Variants in ANLN observed in about 807,000 individuals in gnomAD.
ANLN encodes anillin.
Under a neutral mutation model 135.1 loss-of-function variants are expected in ANLN, and 59 were observed. The ratio of observed to expected loss-of-function variants is 0.44; its 90% CI spans 0.35 to 0.54. ANLN has a LOEUF of 0.54. ANLN is among the 20% of genes least tolerant of loss of function. The pLI is 0.00. For missense variants in ANLN, 1,182 were observed against 1,340.0 expected, an observed-to-expected ratio of 0.88 and a Z score of 1.84; for synonymous variants, 406 against 456.4, an observed-to-expected ratio of 0.89 and a Z score of 1.41.
At chr7:36,438,421 G>C (rs553079063) in intron 20 of ANLN, among the ~76,000 whole-genome samples, 53 of 152,306 alleles carry the variant, frequency 3.5e-4, no homozygotes, top group African/African-American at 1.2e-3. Flanking sequence ...GCCCAGGCCA[G>C]AGTGCAGTGG....
chr7:36,415,754 G>T lies in ANLN; in HGVS notation c.1396-4G>T. On this transcript the variant is annotated splice_polypyrimidine_tract_variant and splice_region_variant and intron_variant, in intron 7 of 23. Transcript: ENST00000265748. ...AAAATTTACTTTTCATTCGCTTTTT[G>T]CAGGAAACTCACTGTCAGAGCACTC... 3 of 1,571,472 alleles carry T rather than the reference G, an allele frequency of 1.9e-6. No individual in the cohort carries two copies. Among genetic ancestry groups the T allele is most frequent in the Non-Finnish European group, 1.7e-6 (2 of 1,166,288 alleles).
At chr7:36,418,427 G>A (rs1055043350) in intron 9 of ANLN, among the ~76,000 whole-genome samples, 5 of 152,300 alleles carry the variant, frequency 3.3e-5, no homozygotes, top group African/African-American at 1.2e-4. Flanking sequence ...ACATTATAAC[G>A]AAAGACAGTA....
At chr7:36,417,022 A>C (rs953205798) in intron 8 of ANLN, 58 bp from the exon 9 acceptor site, 1 of 920,270 alleles carries the variant, frequency 1.1e-6, no homozygotes, top group Non-Finnish European at 1.6e-6. Flanking sequence ...AAGATTCCAT[A>C]ATTAGAAAAT....
chr7:36,399,089 T>C lies in ANLN; in HGVS notation c.183T>C (p.Cys61=). The change falls in exon 3 of 24, where the codon TGT becomes TGC. Residue 61 remains cysteine, a synonymous_variant. Transcript: ENST00000265748. The part of the protein sequence containing the change: ...QPLSGGEEKS[C]TKPSPSKKRC... ...TCGTTTTTAATGTAGAGAAATCTTG[T>C]ACAAAACCATCGCCATCAAAAAAAC... 1.2e-6 allele frequency: 2 copies of C among 1,606,164 alleles called. No homozygotes were observed. The highest frequency in any genetic ancestry group is 2.2e-5 in the East Asian group (1 of 44,768).
At chr7:36,442,750 G>T (rs1788826277) in intron 21 of ANLN, among the ~76,000 whole-genome samples, 1 of 151,974 alleles carries the variant, frequency 6.6e-6, no homozygotes, top group Non-Finnish European at 1.5e-5. Context: ...TCCTGCCTCA[G>T]CCTCCTGAGT....
chr7:36,396,536 A>G, intron 2 of ANLN, 117 bp downstream of exon 2: 2 of 983,826 alleles, frequency 2.0e-6, no homozygotes, highest in South Asian at 5.5e-5. Context: ...CAAATGTAAC[A>G]GCCTCTGGGG....
intron 12 of ANLN, among the ~76,000 whole-genome samples, chr7:36,421,329 A>G (rs1787867228): frequency 6.6e-6 from 1 of 152,024 alleles, no homozygotes; most frequent in Non-Finnish European, 1.5e-5. Context: ...CAGCCTCCCA[A>G]AGTGCTAGGA....
intron 9 of ANLN, among the ~76,000 whole-genome samples, chr7:36,418,483 A>G (rs2116646680): frequency 6.6e-6 from 1 of 152,236 alleles, no homozygotes; most frequent in Middle Eastern, 3.2e-3. Flanking sequence ...GACGAAAACC[A>G]GTATATATCA....
intron 7 of ANLN, among the ~76,000 whole-genome samples, chr7:36,413,031 A>G (rs1787489510): frequency 6.6e-6 from 1 of 152,020 alleles, no homozygotes. Flanking sequence ...GAATGTTGTA[A>G]GTTTGCATTC....
At chr7:36,431,260 G>T (rs966604296) in intron 20 of ANLN, among the ~76,000 whole-genome samples, 1 of 152,110 alleles carries the variant, frequency 6.6e-6, no homozygotes, top group African/African-American at 2.4e-5. Context: ...AATTTGGGCA[G>T]TTGGAGGTTC....
chr7:36,429,899 G>A (rs577389928), intron 20 of ANLN, among the ~76,000 whole-genome samples: 1 of 152,184 alleles, frequency 6.6e-6, no homozygotes. Flanking sequence ...AACTTAAATA[G>A]CCAACCACAT....
intron 20 of ANLN, among the ~76,000 whole-genome samples, chr7:36,435,612 G>T (rs1253314349): frequency 1.3e-5 from 2 of 151,924 alleles, no homozygotes; most frequent in African/African-American, 4.8e-5. Flanking sequence ...GGTGGCTCAC[G>T]CCTGTAATCC....
intron 20 of ANLN, among the ~76,000 whole-genome samples, chr7:36,435,679 C>T (rs1042882701): frequency 4.0e-5 from 6 of 151,380 alleles, no homozygotes; most frequent in African/African-American, 9.7e-5. Context: ...CGAGACCATC[C>T]TGGCTAACAC....
At chr7:36,417,220 C>T (rs1787681228) in intron 9 of ANLN, 30 bp downstream of exon 9, 1 of 1,214,434 alleles carries the variant, frequency 8.2e-7, no homozygotes, top group Non-Finnish European at 1.2e-6. Context: ...TTATTATTAA[C>T]TTTGCACATA....
intron 7 of ANLN, among the ~76,000 whole-genome samples, chr7:36,414,460 T>G (rs1787558294): frequency 6.6e-6 from 1 of 152,026 alleles, no homozygotes; most frequent in Admixed American, 6.6e-5. Context: ...GAAAGTAGCA[T>G]GTAGGGGTGA....
At chr7:36,427,941 A>AT (rs1221440204) in intron 20 of ANLN, among the ~76,000 whole-genome samples, 3 of 152,122 alleles carry the variant, frequency 2.0e-5, no homozygotes, top group Non-Finnish European at 4.4e-5. Context: ...ATCATGTGAG[A>AT]TTTCTGTAGT....
At chr7:36,422,956 AT>A (rs1463615607) in intron 14 of ANLN, 147 bp downstream of exon 14, 2 of 614,170 alleles carry the variant, frequency 3.3e-6, no homozygotes. Flanking sequence ...TATAATAAAA[AT>A]AAGAAAACTT....
chr7:36,439,345 A>G, intron 21 of ANLN, 55 bp downstream of exon 21: 1 of 1,012,998 alleles, frequency 9.9e-7, no homozygotes, highest in Non-Finnish European at 1.5e-6. Context: ...TGAAATACAG[A>G]CTTGTTTCCC....
In ANLN at chr7:36,410,607, C is replaced by T. The variant is rs750877347; in HGVS notation, c.1190C>T (p.Thr397Ile). Residue 397 changes from threonine to isoleucine, a missense_variant, in exon 6 of 24, where the codon ACC becomes ATC. By Grantham distance (89) the Thr-to-Ile change is moderately conservative. Around this residue, in one of 3 missense-constraint regions of ANLN, gnomAD observed 1,022 missense variants for 1,134.0 expected, o/e 0.90. Transcript: ENST00000265748. ...CCAGCTCGTAGCACACCCCACAGAACCCCCATTATTACTCCAAATACAAAG... is the reference window on the plus strand; with the variant it reads ...CCAGCTCGTAGCACACCCCACAGAATCCCCATTATTACTCCAAATACAAAG... Reference protein sequence around the residue: ...ESPARSTPHRTPIITPNTKAI... With the variant: ...ESPARSTPHRIPIITPNTKAI... 5.0e-6 allele frequency: 8 copies of T among 1,614,086 alleles called. No individual in the cohort carries two copies. The East Asian group carries it at 1.8e-4, about 36-fold the overall frequency.
Sources: allele counts gnomAD v4.1 joint callset (sites outside exome capture counted in the v4.1 genomes callset), GRCh38; gene constraint gnomAD v4.1.1; regional missense constraint gnomAD v4.1.1; transcripts MANE v1.5; gene names NCBI Gene and HGNC (gene_info 2026-07-23, HGNC 2026-07-21).